The following NAALADL2 variants were observed in gnomAD, a reference collection of about 807,000 sequenced individuals.
The protein encoded by NAALADL2 is inactive N-acetylated-alpha-linked acidic dipeptidase-like protein 2.
Under a neutral mutation model 87.2 loss-of-function variants are expected in NAALADL2, and 76 were observed. The ratio of observed to expected loss-of-function variants is 0.87; its 90% CI spans 0.72 to 1.05. The LOEUF (loss-of-function observed/expected upper bound fraction) is 1.05, where lower values mean the gene tolerates loss of function less well. NAALADL2 is among the 50% of genes least tolerant of loss of function. NAALADL2 has a pLI of 0.00. For missense variants in NAALADL2, 1,089 were observed against 945.8 expected (o/e 1.15, Z -1.99); for synonymous variants, 354 against 331.0 (o/e 1.07, Z -0.75).
chr3:174,721,461 C>T (rs1731701038), intron 2 of NAALADL2, among the ~76,000 whole-genome samples: 1 of 152,104 alleles, frequency 6.6e-6, no homozygotes. Flanking sequence ...CGCAGCGAGG[C>T]AAGAGCACAG....
intron 2 of NAALADL2, among the ~76,000 whole-genome samples, chr3:175,136,839 C>T (rs1729189907): frequency 6.6e-6 from 1 of 151,868 alleles, no homozygotes; most frequent in South Asian, 2.1e-4. Context: ...TTCTATAAGT[C>T]AATAAAAATT....
rs10645974 is a variant in NAALADL2, at chr3:175,276,297, AT to A, written c.939+19788del. Among the ~76,000 whole-genome samples, 805 of 133,564 alleles carry A rather than the reference AT, an allele frequency of 6.0e-3. 2 individuals carry two copies. Among genetic ancestry groups the A allele is most frequent in the Middle Eastern group, 0.016 (4 of 246 alleles). The allele number at this position is 133,564 out of a possible 152,430, so 87.6% of individuals were successfully genotyped here. A position where few individuals can be genotyped will look rare whatever the true frequency, so the allele number is the denominator to read the frequency against. On this transcript the variant is annotated intron_variant, in intron 4 of 13. Transcript: ENST00000454872. ...TAAAAAGGTTTTTGTCGCTTTGCAA[AT>A]TTTTTTTTTTTTTTTTTTTTGAGAC...
chr3:175,522,279 G>A (rs566493872), intron 9 of NAALADL2, among the ~76,000 whole-genome samples: 4 of 152,172 alleles, frequency 2.6e-5, no homozygotes, highest in Non-Finnish European at 5.9e-5. Flanking sequence ...AATATTGGCT[G>A]GTGAATAGAA....
intron 1 of NAALADL2, among the ~76,000 whole-genome samples, chr3:175,089,687 T>C (rs1347412887): frequency 6.6e-6 from 1 of 152,128 alleles, no homozygotes; most frequent in East Asian, 1.9e-4. Flanking sequence ...AAGACATTAA[T>C]AGATTTCTCT....
chr3:175,780,970 A>C (rs1458175709), intron 13 of NAALADL2, among the ~76,000 whole-genome samples: 1 of 152,188 alleles, frequency 6.6e-6, no homozygotes, highest in African/African-American at 2.4e-5. Flanking sequence ...CACATGAGAG[A>C]TTAATGGTGA....
intron 3 of NAALADL2, among the ~76,000 whole-genome samples, chr3:174,805,729 A>G (rs762707626): frequency 3.9e-5 from 6 of 152,190 alleles, no homozygotes; most frequent in African/African-American, 7.2e-5. Flanking sequence ...GGAGAACCCA[A>G]TGAATTATTT....
chr3:175,124,269 A>C (rs1485342434), intron 2 of NAALADL2: 2 of 152,022 alleles, frequency 1.3e-5, no homozygotes, highest in African/African-American at 4.8e-5. Context: ...AATTCAGTTA[A>C]CATTGGCTTA....
intron 13 of NAALADL2, among the ~76,000 whole-genome samples, chr3:175,765,756 A>G (rs1293942222): frequency 1.3e-5 from 2 of 152,138 alleles, no homozygotes; most frequent in East Asian, 1.9e-4. Flanking sequence ...AATAACAACA[A>G]TACTTTCCAT....
intron 1 of NAALADL2, among the ~76,000 whole-genome samples, chr3:174,455,787 A>G (rs1385021088): frequency 2.6e-5 from 4 of 152,188 alleles, no homozygotes; most frequent in African/African-American, 9.6e-5. Context: ...CAAAAGCAGT[A>G]AGCATTCCCC....
chr3:175,131,171 A>T (rs4894695), intron 2 of NAALADL2, among the ~76,000 whole-genome samples: 54,443 of 111,600 alleles, frequency 0.49, 10,202 homozygotes, highest in African/African-American at 0.56. Context: ...TTTTTTTTTT[A>T]ATTGTTCATT....
chr3:175,698,375 G>A lies in NAALADL2; in HGVS notation c.1897-38931G>A, dbSNP rs1194837187. Among the ~76,000 whole-genome samples the A allele has an allele frequency of 2.1e-5, 2 of 96,190 alleles. 1 individual carries two copies. The highest frequency in any genetic ancestry group is 1.1e-4 in the African/African-American group (2 of 17,470). The allele number at this position is 96,190 out of a possible 152,430, so 63.1% of individuals were successfully genotyped here. ...TTTATGTATGTGTATATATGTATGT[G>A]TATTTATGTATGTATACATATGTAT... On this transcript the variant is annotated intron_variant, in intron 11 of 13. Transcript: ENST00000454872.
At chr3:175,342,071 A>G (rs1236246139) in intron 5 of NAALADL2, among the ~76,000 whole-genome samples, 2 of 152,104 alleles carry the variant, frequency 1.3e-5, no homozygotes, top group African/African-American at 4.8e-5. Context: ...AGGTTACTAT[A>G]ATTTTGTAGT....
intron 11 of NAALADL2, among the ~76,000 whole-genome samples, chr3:175,731,366 T>C (rs955364556): frequency 1.3e-5 from 2 of 152,194 alleles, no homozygotes; most frequent in African/African-American, 4.8e-5. Flanking sequence ...GTTATTGATA[T>C]TTTAGCTTTG....
chr3:175,205,766 C>A (rs1234472250), intron 2 of NAALADL2, among the ~76,000 whole-genome samples: 1 of 151,668 alleles, frequency 6.6e-6, no homozygotes, highest in Non-Finnish European at 1.5e-5. Flanking sequence ...AACAAAAAAT[C>A]CCATCAAAAA....
chr3:175,277,096 G>T (rs1218860383), intron 4 of NAALADL2, among the ~76,000 whole-genome samples: 1 of 152,098 alleles, frequency 6.6e-6, no homozygotes, highest in East Asian at 1.9e-4. Context: ...TTATTAAATT[G>T]TCAGGGTTTA....
chr3:175,365,386 C>G (rs910527696), intron 5 of NAALADL2, among the ~76,000 whole-genome samples: 2 of 146,374 alleles, frequency 1.4e-5, no homozygotes, highest in Non-Finnish European at 3.0e-5. Context: ...TATTATTATC[C>G]TCATTTTACA....
At chr3:175,178,080 A>G (rs1438757457) in intron 2 of NAALADL2, among the ~76,000 whole-genome samples, 1 of 152,060 alleles carries the variant, frequency 6.6e-6, no homozygotes, top group Non-Finnish European at 1.5e-5. Flanking sequence ...CATTTCTTCC[A>G]TAGACAAGTC....
At chr3:175,264,127 A>G (rs1751539138) in intron 4 of NAALADL2, among the ~76,000 whole-genome samples, 1 of 151,912 alleles carries the variant, frequency 6.6e-6, no homozygotes, top group African/African-American at 2.4e-5. Context: ...GCATTGCAGG[A>G]TGCAAGAATG....
chr3:175,350,530 G>T (rs1346727798), intron 5 of NAALADL2, among the ~76,000 whole-genome samples: 2 of 152,166 alleles, frequency 1.3e-5, no homozygotes, highest in Non-Finnish European at 2.9e-5. Context: ...AAGGGTAGGG[G>T]TGGGAGAGTC....
Sources: gnomAD v4.1 joint callset for allele counts (sites outside exome capture counted in the v4.1 genomes callset) on GRCh38, gnomAD v4.1.1 for gene constraint, MANE v1.5 for transcripts, NCBI Gene and HGNC (gene_info 2026-07-23, HGNC 2026-07-21) for gene names.